GPC6: variants seen among roughly 807,000 people sequenced by gnomAD.
GPC6 encodes glypican 6.
A neutral mutation model predicts 55.2 loss-of-function variants in GPC6; 14 were observed. That is an observed-to-expected ratio of 0.25 (90% CI 0.17 to 0.40). The LOEUF (loss-of-function observed/expected upper bound fraction) is 0.40. Among genes scored for constraint, GPC6 ranks in the 10% least tolerant of loss-of-function variants. The pLI is 1.00. For missense variants in GPC6, 641 were observed against 708.5 expected, an observed-to-expected ratio of 0.90 and a Z score of 1.08; for synonymous variants, 278 against 259.6, an observed-to-expected ratio of 1.07 and a Z score of -0.68.
intron 4 of GPC6, among the ~76,000 whole-genome samples, chr13:94,084,057 A>G (rs981675844): frequency 3.9e-5 from 6 of 152,236 alleles, no homozygotes; most frequent in African/African-American, 7.2e-5. Flanking sequence ...TGTACTGGCT[A>G]TAGTCCTTCC....
At chr13:93,904,764 T>C (rs1876545650) in intron 3 of GPC6, among the ~76,000 whole-genome samples, 1 of 151,990 alleles carries the variant, frequency 6.6e-6, no homozygotes, top group African/African-American at 2.4e-5. Flanking sequence ...AAATGTGATC[T>C]CTACTTTTTT....
intron 2 of GPC6, among the ~76,000 whole-genome samples, chr13:93,753,439 T>G (rs1427277160): frequency 2.0e-5 from 3 of 152,114 alleles, no homozygotes; most frequent in African/African-American, 4.8e-5. Flanking sequence ...GGTTTTAAAT[T>G]TTTATTTTTA....
chr13:93,352,601 G>A (rs1880670823), intron 1 of GPC6, among the ~76,000 whole-genome samples: 1 of 152,100 alleles, frequency 6.6e-6, no homozygotes, highest in South Asian at 2.1e-4. Flanking sequence ...GTGAGAGCCT[G>A]CTTGACATTT....
chr13:93,898,719 T>C (rs893170911), intron 3 of GPC6, among the ~76,000 whole-genome samples: 3 of 151,790 alleles, frequency 2.0e-5, no homozygotes, highest in African/African-American at 4.8e-5. Context: ...ACCAATGAAA[T>C]TGAATAAGTT....
chr13:94,047,881 G>T (rs946892364), intron 4 of GPC6, among the ~76,000 whole-genome samples: 1 of 152,128 alleles, frequency 6.6e-6, no homozygotes, highest in Non-Finnish European at 1.5e-5. Flanking sequence ...CACAGCATCT[G>T]ACTCCAGATT....
chr13:94,303,246 T>G lies in GPC6; in HGVS notation c.1009-2734T>G, dbSNP rs190229883. ...GCTGGCTGGAATGCCTGGGTTTATA[T>G]CCCGATCATTGTCCCTCCCCCTGTG... On this transcript the variant is annotated intron_variant, in intron 5 of 8. Coordinates refer to ENST00000377047, the MANE Select transcript of GPC6 (RefSeq NM_005708.5). Among the ~76,000 whole-genome samples, 547 of 152,320 alleles carry G rather than the reference T, an allele frequency of 3.6e-3. 11 individuals are homozygous for G. The East Asian group carries it at 0.067, about 19-fold the overall frequency.
chr13:93,726,599 T>C (rs1883653311), intron 2 of GPC6, among the ~76,000 whole-genome samples: 1 of 152,128 alleles, frequency 6.6e-6, no homozygotes, highest in African/African-American at 2.4e-5. Context: ...CCACTTTTTT[T>C]CTAAACCTGT....
intron 2 of GPC6, among the ~76,000 whole-genome samples, chr13:93,740,482 G>C (rs992697145): frequency 2.6e-5 from 4 of 152,226 alleles, no homozygotes; most frequent in African/African-American, 7.2e-5. Flanking sequence ...AATTAGGCCA[G>C]AGTTATGGCA....
At chr13:94,109,398 G>A (rs1170772895) in intron 4 of GPC6, among the ~76,000 whole-genome samples, 8 of 151,694 alleles carry the variant, frequency 5.3e-5, no homozygotes, top group Admixed American at 5.3e-4. Context: ...TTTTTTTCTG[G>A]TCCTCACTAG....
At chr13:93,421,704 G>A (rs918360442) in intron 1 of GPC6, among the ~76,000 whole-genome samples, 1 of 151,800 alleles carries the variant, frequency 6.6e-6, no homozygotes, top group African/African-American at 2.4e-5. Context: ...ATGGAAGCAG[G>A]TGGAAAATGT....
intron 1 of GPC6, among the ~76,000 whole-genome samples, chr13:93,403,541 A>T (rs775413026): frequency 6.6e-6 from 1 of 152,234 alleles, no homozygotes; most frequent in Non-Finnish European, 1.5e-5. Flanking sequence ...AAGATGGCAT[A>T]GTCAATGCTC....
chr13:94,289,431 G>T (rs909284948), intron 5 of GPC6, among the ~76,000 whole-genome samples: 3 of 152,090 alleles, frequency 2.0e-5, no homozygotes, highest in African/African-American at 7.2e-5. Context: ...TTCACACAGG[G>T]AGATGACTGG....
chr13:93,853,693 A>G lies in GPC6; in HGVS notation c.711+23148A>G, dbSNP rs549368758. ...AATAATTGTATCTTTATGAAGTAGT[A>G]TAGTTGATCAAATTCAAACTGCCTT... On this transcript the variant is annotated intron_variant, in intron 3 of 8. Coordinates refer to ENST00000377047, the MANE Select transcript of GPC6 (RefSeq NM_005708.5). Among the ~76,000 whole-genome samples, 20 of 151,818 alleles carry G rather than the reference A, an allele frequency of 1.3e-4. No individual in the cohort carries two copies. In the South Asian group the frequency reaches 4.1e-3, roughly 31 times the overall value.
intron 4 of GPC6, among the ~76,000 whole-genome samples, chr13:94,104,136 A>G (rs946136876): frequency 5.3e-5 from 8 of 152,200 alleles, no homozygotes; most frequent in African/African-American, 1.9e-4. Flanking sequence ...TTTATTAAAT[A>G]GGGAATTGTT....
intron 5 of GPC6, among the ~76,000 whole-genome samples, chr13:94,292,179 T>A (rs913797595): frequency 6.6e-6 from 1 of 152,174 alleles, no homozygotes; most frequent in African/African-American, 2.4e-5. Context: ...ATAGAGAAGT[T>A]AGGTGACTTA....
chr13:93,431,931 T>C (rs779882704), intron 1 of GPC6, among the ~76,000 whole-genome samples: 3 of 152,136 alleles, frequency 2.0e-5, no homozygotes, highest in Non-Finnish European at 4.4e-5. Flanking sequence ...CTAAAGTCAG[T>C]TTAATGAATT....
At chr13:94,112,505 C>T (rs1024492736) in intron 4 of GPC6, among the ~76,000 whole-genome samples, 2 of 152,150 alleles carry the variant, frequency 1.3e-5, no homozygotes, top group African/African-American at 4.8e-5. Context: ...CTCCTTAAAA[C>T]TTATGTTACA....
chr13:93,402,848 A>G (rs2139234419), intron 1 of GPC6, among the ~76,000 whole-genome samples: 1 of 152,236 alleles, frequency 6.6e-6, no homozygotes, highest in Non-Finnish European at 1.5e-5. Context: ...AGATAACTTG[A>G]TCACTTCCTG....
At chr13:94,237,470 G>A (rs1890913811) in intron 4 of GPC6, among the ~76,000 whole-genome samples, 1 of 152,236 alleles carries the variant, frequency 6.6e-6, no homozygotes, top group South Asian at 2.1e-4. Context: ...ACATTCAACA[G>A]CGGTAAGGTC....
Sources: allele counts gnomAD v4.1 joint callset (sites outside exome capture counted in the v4.1 genomes callset), GRCh38; gene constraint gnomAD v4.1.1; transcripts MANE v1.5; gene names NCBI Gene and HGNC (gene_info 2026-07-23, HGNC 2026-07-21).